The following LDB2 variants were observed in gnomAD, a reference collection of about 807,000 sequenced individuals.
The protein encoded by LDB2 is LIM domain-binding protein 2.
In LDB2, 12 loss-of-function variants were observed where a neutral mutation model predicts 44.3. The ratio of observed to expected loss-of-function variants is 0.27; its 90% CI spans 0.17 to 0.44. The LOEUF is 0.44. LDB2 is among the 20% of genes least tolerant of loss of function. LDB2 has a pLI of 1.00. For synonymous variants in LDB2, 164 were observed against 174.8 expected (o/e 0.94, Z 0.49); for missense variants, 344 against 473.5 (o/e 0.73, Z 2.54).
At chr4:16,878,099 C>T (rs1298067802) in intron 1 of LDB2, among the ~76,000 whole-genome samples, 1 of 152,032 alleles carries the variant, frequency 6.6e-6, no homozygotes, top group African/African-American at 2.4e-5. Context: ...AAAGTTAAAG[C>T]CAATCAAAAG....
At chr4:16,754,866 G>C (rs1371638983) in intron 2 of LDB2, among the ~76,000 whole-genome samples, 2 of 152,106 alleles carry the variant, frequency 1.3e-5, no homozygotes, top group Non-Finnish European at 2.9e-5. Flanking sequence ...TTGCACATAA[G>C]AAAATGAAGT....
intron 2 of LDB2, among the ~76,000 whole-genome samples, chr4:16,720,430 C>T (rs967509227): frequency 1.3e-5 from 2 of 152,116 alleles, no homozygotes; most frequent in African/African-American, 4.8e-5. Flanking sequence ...GATTGCTAAG[C>T]CATCCCCAAC....
chr4:16,723,051 T>A (rs983315674), intron 2 of LDB2, among the ~76,000 whole-genome samples: 1 of 152,200 alleles, frequency 6.6e-6, no homozygotes, highest in African/African-American at 2.4e-5. Flanking sequence ...CGGATGTAAC[T>A]CCACAGTAAG....
intron 1 of LDB2, among the ~76,000 whole-genome samples, chr4:16,830,076 A>C (rs1259024194): frequency 6.6e-6 from 1 of 152,168 alleles, no homozygotes; most frequent in Non-Finnish European, 1.5e-5. Context: ...TCACCACTGC[A>C]CTTCAGCCTG....
chr4:16,847,860 C>G (rs1019716404), intron 1 of LDB2, among the ~76,000 whole-genome samples: 2 of 152,260 alleles, frequency 1.3e-5, no homozygotes, highest in Non-Finnish European at 2.9e-5. Flanking sequence ...TCGTGATCCA[C>G]CCGCCTTGGC....
At chr4:16,862,170 C>G (rs1712808958) in intron 1 of LDB2, among the ~76,000 whole-genome samples, 2 of 152,172 alleles carry the variant, frequency 1.3e-5, no homozygotes, top group Admixed American at 6.5e-5. Flanking sequence ...TCTTCACATG[C>G]TTAGTATACA....
At chr4:16,842,571 G>A (rs1015952253) in intron 1 of LDB2, among the ~76,000 whole-genome samples, 1 of 152,140 alleles carries the variant, frequency 6.6e-6, no homozygotes, top group Non-Finnish European at 1.5e-5. Flanking sequence ...TACACCCCAT[G>A]AGTGATCTTT....
At chr4:16,808,773 C>G (rs1016107658) in intron 1 of LDB2, among the ~76,000 whole-genome samples, 7 of 152,106 alleles carry the variant, frequency 4.6e-5, no homozygotes, top group African/African-American at 1.4e-4. Flanking sequence ...TGCTAGAAAA[C>G]TTGGTGAAGT....
At chr4:16,781,730 G>A (rs1773277896) in intron 1 of LDB2, among the ~76,000 whole-genome samples, 1 of 152,150 alleles carries the variant, frequency 6.6e-6, no homozygotes, top group Non-Finnish European at 1.5e-5. Context: ...ATTCATGTCT[G>A]CCTGGAATCT....
intron 2 of LDB2, among the ~76,000 whole-genome samples, chr4:16,628,204 A>G (rs954509136): frequency 6.6e-6 from 1 of 152,218 alleles, no homozygotes; most frequent in African/African-American, 2.4e-5. Flanking sequence ...GTGAATCAGA[A>G]ATATACGGGT....
chr4:16,580,836 T>G (rs953089222), intron 5 of LDB2, among the ~76,000 whole-genome samples: 23 of 152,220 alleles, frequency 1.5e-4, no homozygotes, highest in African/African-American at 4.8e-4. Context: ...GGATATGATT[T>G]CTGCATTGTC....
Position 16,619,796 on chromosome 4 carries a change from GT to G in LDB2, c.236-23922del, listed in dbSNP as rs386399372. On this transcript the variant is annotated intron_variant, in intron 2 of 7. Coordinates refer to ENST00000304523, the MANE Select transcript of LDB2 (RefSeq NM_001290.5). ...TTGCAAGTTGCTAGTGGATATCTCTGTTTTTTTTTTTTTTTCTCCTGGCTTC... is the reference window on the plus strand; with the variant it reads ...TTGCAAGTTGCTAGTGGATATCTCTGTTTTTTTTTTTTTTCTCCTGGCTTC... 6.8e-3 allele frequency among the ~76,000 whole-genome samples: 922 copies of G among 135,952 alleles called. 10 individuals carry two copies. The highest frequency in any genetic ancestry group is 0.057 in the East Asian group (271 of 4,742). 89.2% of individuals were successfully genotyped at this position (135,952 alleles called of 152,430 possible).
At chr4:16,580,216 A>G (rs1382003262) in intron 5 of LDB2, among the ~76,000 whole-genome samples, 1 of 152,162 alleles carries the variant, frequency 6.6e-6, no homozygotes, top group African/African-American at 2.4e-5. Context: ...GGGAAGGGGC[A>G]TGGAATGAGG....
At chr4:16,580,690 TACTGTTTCTTGCATTCTGTTCA>T (rs1344342777) in intron 5 of LDB2, among the ~76,000 whole-genome samples, 2 of 152,208 alleles carry the variant, frequency 1.3e-5, no homozygotes, top group Non-Finnish European at 2.9e-5. Context: ...ATGCCATTCC[TACTGTTTCTTGCATTCTGTTCA>T]GTGAATGCAA....
At chr4:16,689,232 C>A (rs2152582565) in intron 2 of LDB2, among the ~76,000 whole-genome samples, 1 of 152,296 alleles carries the variant, frequency 6.6e-6, no homozygotes, top group African/African-American at 2.4e-5. Context: ...GCACCCAAAT[C>A]CACAACACAG....
chr4:16,769,610 T>TA (rs1444172935), intron 1 of LDB2, among the ~76,000 whole-genome samples: 1 of 152,146 alleles, frequency 6.6e-6, no homozygotes, highest in Non-Finnish European at 1.5e-5. Flanking sequence ...GGGATTTTTT[T>TA]TTTTTTTTTC....
At chr4:16,805,718 G>T (rs936803641) in intron 1 of LDB2, among the ~76,000 whole-genome samples, 2 of 152,186 alleles carry the variant, frequency 1.3e-5, no homozygotes, top group South Asian at 4.1e-4. Flanking sequence ...CAATTACAGG[G>T]ACGAAAGATG....
At chr4:16,613,840 T>C (rs979399920) in intron 2 of LDB2, among the ~76,000 whole-genome samples, 2 of 152,216 alleles carry the variant, frequency 1.3e-5, no homozygotes, top group African/African-American at 4.8e-5. Flanking sequence ...ATGACCATAC[T>C]GCCCGAAGTA....
At chr4:16,892,873 ATT>A (rs984256690) in intron 1 of LDB2, among the ~76,000 whole-genome samples, 3 of 152,160 alleles carry the variant, frequency 2.0e-5, no homozygotes, top group African/African-American at 7.2e-5. Context: ...AAAGAGAGAA[ATT>A]TAAATGTGCA....
Sources: allele counts gnomAD v4.1 joint callset (sites outside exome capture counted in the v4.1 genomes callset), GRCh38; gene constraint gnomAD v4.1.1; transcripts MANE v1.5; gene names NCBI Gene and HGNC (gene_info 2026-07-23, HGNC 2026-07-21).